ANAPC5: variants seen among roughly 807,000 people sequenced by gnomAD.
ANAPC5 encodes the protein anaphase promoting complex subunit 5.
In ANAPC5, 60 loss-of-function variants were observed where a neutral mutation model predicts 91.3. The observed-to-expected ratio is 0.66, with a 90% CI of 0.53 to 0.81. The LOEUF is 0.81. Ranked by LOEUF, ANAPC5 falls within the 40% of genes least tolerant of loss-of-function variation. The probability of loss-of-function intolerance (pLI) is 0.00; values close to 1 mark genes in which losing one functional copy is unlikely to be tolerated. For synonymous variants in ANAPC5, 340 were observed against 364.1 expected, an observed-to-expected ratio of 0.93 and a Z score of 0.75; for missense variants, 690 against 931.5, an observed-to-expected ratio of 0.74 and a Z score of 3.37.
intron 11 of ANAPC5, among the ~76,000 whole-genome samples, chr12:121,322,789 A>G (rs1241172445): frequency 6.6e-6 from 1 of 152,160 alleles, no homozygotes; most frequent in East Asian, 1.9e-4. Flanking sequence ...CTGGGAGGCC[A>G]AGGAGGGCAG....
At chr12:121,334,457 G>A (rs1166286164) in intron 7 of ANAPC5, 1 of 152,164 alleles carries the variant, frequency 6.6e-6, no homozygotes, top group Non-Finnish European at 1.5e-5. Context: ...TCTCTCAACT[G>A]GTAAAAAGCC....
At chr12:121,319,056 T>A (rs1902489576) in intron 13 of ANAPC5, among the ~76,000 whole-genome samples, 1 of 151,752 alleles carries the variant, frequency 6.6e-6, no homozygotes, top group East Asian at 1.9e-4. Flanking sequence ...AAAGAATAAA[T>A]TGTATGTGTG....
chr12:121,331,479 A>G, intron 7 of ANAPC5, 51 bp from the exon 8 acceptor site: 1 of 1,476,378 alleles, frequency 6.8e-7, no homozygotes, highest in Non-Finnish European at 9.4e-7. Flanking sequence ...AAACATGCAT[A>G]AGCAACCATA....
chr12:121,346,576 A>G (rs1903674435), intron 3 of ANAPC5: 2 of 241,776 alleles, frequency 8.3e-6, no homozygotes, highest in Non-Finnish European at 1.6e-5. Flanking sequence ...CTCTCTTCAT[A>G]AGTCTGGGCT....
In ANAPC5 at chr12:121,351,234, G is replaced by A. The variant is rs190420301; in HGVS notation, c.207+900C>T. On this transcript the variant is annotated intron_variant, in intron 1 of 16. Transcript: ENST00000261819. ...AAAAATGCAAAAAAATTAGCTGGGC[G>A]TAGTGACCCGCGCCTGTACTCCCAG... 134 of 354,092 alleles carry A rather than the reference G, an allele frequency of 3.8e-4. 2 individuals carry two copies. Among genetic ancestry groups the A allele is most frequent in the South Asian group, 2.6e-3 (125 of 48,964 alleles). The allele number at this position is 354,092 out of a possible 1,614,324, so 21.9% of individuals were successfully genotyped here.
rs1902461302 is a variant in ANAPC5 at position 121,318,489 on chromosome 12, G to A, written c.1745+12C>T. ...CACCACATCTCCGTGAGATGTACAAGAGACCCCTTACCTGATCACCATTTC... is the reference window on the plus strand; with the variant it reads ...CACCACATCTCCGTGAGATGTACAAAAGACCCCTTACCTGATCACCATTTC... On this transcript the variant is annotated intron_variant, in intron 14 of 16. Transcript: ENST00000261819. 6.2e-7 allele frequency: 1 copy of A among 1,613,708 alleles called. No individual in the cohort carries two copies. The highest frequency in any genetic ancestry group is 8.5e-7 in the Non-Finnish European group (1 of 1,179,818).
Position 121,338,242 on chromosome 12 carries a change from A to G in ANAPC5, c.658-850T>C, listed in dbSNP as rs565362744. 5.9e-5 allele frequency among the ~76,000 whole-genome samples: 9 copies of G among 152,190 alleles called. No homozygotes were observed. The East Asian group carries it at 1.5e-3, about 26-fold the overall frequency. On this transcript the variant is annotated intron_variant, in intron 5 of 16. Coordinates refer to ENST00000261819, the MANE Select transcript of ANAPC5 (RefSeq NM_016237.5). The stretch of plus-strand genomic sequence containing the variant: ...TTAAAAATAATAATTTCTTTAAAAA[A>G]AATTTTTTTAAAGTAAAAATAATTT...
At chr12:121,318,995 G>A (rs1902485539) in intron 13 of ANAPC5, among the ~76,000 whole-genome samples, 1 of 152,012 alleles carries the variant, frequency 6.6e-6, no homozygotes, top group South Asian at 2.1e-4. Context: ...ACTCCAGCCT[G>A]GGCGACAGAG....
chr12:121,324,040 G>T (rs1480450539), intron 11 of ANAPC5, among the ~76,000 whole-genome samples: 1 of 152,120 alleles, frequency 6.6e-6, no homozygotes, highest in Non-Finnish European at 1.5e-5. Flanking sequence ...TCAGAAAGCA[G>T]TTCTGAGCCC....
In ANAPC5 at chr12:121,320,382, T is replaced by A. The variant is rs1463869700; in HGVS notation, c.1515+3A>T. 1 of 1,613,298 alleles carries A rather than the reference T, an allele frequency of 6.2e-7. No homozygotes were observed. Among genetic ancestry groups the A allele is most frequent in the Non-Finnish European group, 8.5e-7 (1 of 1,179,412 alleles). On this transcript the variant is annotated splice_donor_region_variant and intron_variant, in intron 12 of 16. Coordinates refer to ENST00000261819, the MANE Select transcript of ANAPC5 (RefSeq NM_016237.5). The stretch of plus-strand genomic sequence containing the variant: ...ATCTATTGCCATGCAAAAGGCAGAT[T>A]ACCTGGGCGTGCTGACTATTAGGCG...
intron 15 of ANAPC5, among the ~76,000 whole-genome samples, chr12:121,312,075 A>G (rs1210675362): frequency 1.3e-5 from 2 of 152,220 alleles, no homozygotes; most frequent in African/African-American, 4.8e-5. Flanking sequence ...TTGGGCCACA[A>G]AATAACACTC....
chr12:121,318,348 G>A lies in ANAPC5; in HGVS notation c.1822C>T (p.Leu608=), dbSNP rs1264917635. The A allele has an allele frequency of 1.2e-6, 2 of 1,611,002 alleles. No individual in the cohort carries two copies. The change falls in exon 15 of 17, where the codon CTG becomes TTG. Residue 608 remains leucine, a synonymous_variant. Transcript: ENST00000261819. ...TIALPMLLQA[L]ALSKEYRLQY... ...AACCGGTACTCCTTGGAGAGGGCCA[G>A]AGCCTGCAGGAGCATGGGCAGCGCG...
Position 121,342,833 on chromosome 12 carries a change from T to G in ANAPC5, c.591-764A>C, listed in dbSNP as rs552714416. ...AAGATCACGCCACTGCACTCCAGCC[T>G]GGCGGCAGAGCGAGACTTCATCTCA... is the stretch of plus-strand genomic sequence containing the variant. On this transcript the variant is annotated intron_variant, in intron 4 of 16. Transcript: ENST00000261819. This position sits in a 1 kb window ranked among gnomAD's most constrained non-coding sequence, Gnocchi z 4.1. Among the ~76,000 whole-genome samples the G allele has an allele frequency of 6.6e-6, 1 of 152,162 alleles. No homozygotes were observed. Among genetic ancestry groups the G allele is most frequent in the South Asian group, 2.1e-4 (1 of 4,830 alleles).
At chr12:121,339,513 CA>C (rs112831315) in intron 5 of ANAPC5, among the ~76,000 whole-genome samples, 8,078 of 152,192 alleles carry the variant, frequency 0.053, 415 homozygotes, top group East Asian at 0.15. Context: ...CTCTGTCGCA[CA>C]AGCTGAAGTA....
At position 121,327,078 on chromosome 12, in the gene ANAPC5, G is replaced by A. The variant is rs1902845968; in HGVS notation, c.1440+18C>T. ...CCTCCATTGCTCCAGAAGCACGTGG[G>A]CCCGGCCACCTGCCTACCTGCTCCG... On this transcript the variant is annotated intron_variant, in intron 11 of 16. Coordinates refer to ENST00000261819, the MANE Select transcript of ANAPC5 (RefSeq NM_016237.5). 1.9e-6 allele frequency: 3 copies of A among 1,580,914 alleles called. No individual in the cohort carries two copies. Among genetic ancestry groups the A allele is most frequent in the Admixed American group, 1.8e-5 (1 of 54,128 alleles).
At position 121,342,489 on chromosome 12, in the gene ANAPC5, A is replaced by C. The variant is rs1224515147; in HGVS notation, c.591-420T>G. On this transcript the variant is annotated intron_variant, in intron 4 of 16. Transcript: ENST00000261819. The surrounding 1 kb of genome is among the most constrained non-coding windows in gnomAD (Gnocchi z 4.1). Reference sequence around the variant, plus strand: ...GGCCAAAAACCGTAAAACTCTTAGAAGATCTTCCTTCCACCTGCTAGTAAT... The same window carrying C: ...GGCCAAAAACCGTAAAACTCTTAGACGATCTTCCTTCCACCTGCTAGTAAT... Among the ~76,000 whole-genome samples the C allele has an allele frequency of 6.6e-6, 1 of 152,222 alleles. No individual in the cohort carries two copies. Among genetic ancestry groups the C allele is most frequent in the Non-Finnish European group, 1.5e-5 (1 of 68,044 alleles).
chr12:121,317,093 A>G (rs1902396606), intron 15 of ANAPC5, among the ~76,000 whole-genome samples: 1 of 152,048 alleles, frequency 6.6e-6, no homozygotes, highest in Non-Finnish European at 1.5e-5. Flanking sequence ...GGAAGGGAGG[A>G]CTGGGGAATG....
chr12:121,345,031 G>T (rs1172468884), intron 4 of ANAPC5, among the ~76,000 whole-genome samples: 12 of 152,204 alleles, frequency 7.9e-5, no homozygotes, highest in African/African-American at 2.9e-4. Context: ...TGCAGATTTG[G>T]TGAGTAGATT....
chr12:121,310,133 C>A (rs1902100528), intron 15 of ANAPC5: 1 of 240,484 alleles, frequency 4.2e-6, no homozygotes, highest in Non-Finnish European at 7.9e-6. Flanking sequence ...TATCCTTTAG[C>A]TTGGTGATTC....
Sources: allele counts gnomAD v4.1 joint callset (sites outside exome capture counted in the v4.1 genomes callset), GRCh38; gene constraint gnomAD v4.1.1; non-coding constraint Gnocchi (gnomAD v3.1); transcripts MANE v1.5; gene names NCBI Gene and HGNC (gene_info 2026-07-23, HGNC 2026-07-21).